AGAP1: variants seen among roughly 807,000 people sequenced by gnomAD.
The protein encoded by AGAP1 is ArfGAP with GTPase domain, ankyrin repeat and PH domain 1, also known as arf-GAP with GTPase, ANK repeat and PH domain-containing protein 1.
AGAP1 carries 29 observed loss-of-function variants against 105.3 expected under a neutral mutation model. The observed-to-expected ratio is 0.28, with a 90% CI of 0.21 to 0.38. AGAP1 has a LOEUF of 0.38. Ranked by LOEUF, AGAP1 falls within the 10% of genes least tolerant of loss-of-function variation. The pLI is 1.00. For missense variants in AGAP1, 998 were observed against 1,165.1 expected (o/e 0.86, Z 2.09); for synonymous variants, 509 against 485.9 (o/e 1.05, Z -0.63).
At position 235,988,288 on chromosome 2, in the gene AGAP1, C is replaced by A. The variant is rs1249510585; in HGVS notation, c.1645+19665C>A. On this transcript the variant is annotated intron_variant, in intron 13 of 17. Transcript: ENST00000304032. The surrounding 1 kb of genome is among the most constrained non-coding windows in gnomAD (Gnocchi z 4.7). ...GAACTCCTGACTTCAGGTGATCCAC[C>A]TGCCTCGGCCTCCCAAAGTGGTAGG... 2.0e-5 allele frequency among the ~76,000 whole-genome samples: 3 copies of A among 152,194 alleles called. No homozygotes were observed.
intron 4 of AGAP1, among the ~76,000 whole-genome samples, chr2:235,742,123 C>T (rs1351159910): frequency 6.6e-6 from 1 of 152,194 alleles, no homozygotes; most frequent in African/African-American, 2.4e-5. Flanking sequence ...GAATGTCAGA[C>T]ATTTTCTTGG....
At chr2:236,072,650 A>C (rs185342507) in intron 16 of AGAP1, 1 of 152,214 alleles carries the variant, frequency 6.6e-6, no homozygotes, top group Non-Finnish European at 1.5e-5. Flanking sequence ...GAGTATAGAC[A>C]GGATCTCACT....
chr2:235,912,424 T>G (rs939276739), intron 11 of AGAP1, among the ~76,000 whole-genome samples: 1 of 152,250 alleles, frequency 6.6e-6, no homozygotes, highest in Non-Finnish European at 1.5e-5. Context: ...AATTGAATAC[T>G]TAACCTTATT....
In AGAP1 at chr2:236,046,833, G is replaced by T. The variant is rs2057731102; in HGVS notation, c.1892-2226G>T. Among the ~76,000 whole-genome samples, 1 of 152,166 alleles carries T rather than the reference G, an allele frequency of 6.6e-6. No homozygotes were observed. The highest frequency in any genetic ancestry group is 2.1e-4 in the South Asian group (1 of 4,824). On this transcript the variant is annotated intron_variant, in intron 15 of 17. Transcript: ENST00000304032. This position sits in a 1 kb window ranked among gnomAD's most constrained non-coding sequence, Gnocchi z 5.2. ...TCCAGAGAGGTCGTTGACCAAAAAG[G>T]TATCAGAAGTTAGCACTGGCCCAGC...
intron 1 of AGAP1, among the ~76,000 whole-genome samples, chr2:235,547,356 CTTT>C (rs565421160): frequency 7.4e-6 from 1 of 135,450 alleles, no homozygotes; most frequent in African/African-American, 2.8e-5. Context: ...CTTACATTGA[CTTT>C]TTTTTTTTTT....
In AGAP1 at chr2:236,042,576, C is replaced by A. The variant is rs2057582598; in HGVS notation, c.1891+1735C>A. 6.6e-6 allele frequency among the ~76,000 whole-genome samples: 1 copy of A among 152,158 alleles called. No individual in the cohort carries two copies. Among genetic ancestry groups the A allele is most frequent in the African/African-American group, 2.4e-5 (1 of 41,448 alleles). Reference sequence around the variant, plus strand: ...TTAGAACATCCATTAAGGAAAATGCCTGCAGTTGTTTCCACCGTGCGTCTG... The same window carrying A: ...TTAGAACATCCATTAAGGAAAATGCATGCAGTTGTTTCCACCGTGCGTCTG... On this transcript the variant is annotated intron_variant, in intron 15 of 17. Transcript: ENST00000304032. This position sits in a 1 kb window ranked among gnomAD's most constrained non-coding sequence, Gnocchi z 5.6.
At chr2:235,770,056 A>G (rs1728290) in intron 6 of AGAP1, among the ~76,000 whole-genome samples, 37,477 of 150,466 alleles carry the variant, frequency 0.25, 5,163 homozygotes, top group Admixed American at 0.39. Flanking sequence ...GTAAGACAGC[A>G]AGTAAAAATC....
intron 13 of AGAP1, among the ~76,000 whole-genome samples, chr2:236,033,480 A>G (rs2057287892): frequency 6.6e-6 from 1 of 152,264 alleles, no homozygotes; most frequent in African/African-American, 2.4e-5. Flanking sequence ...AGATACTGAG[A>G]GTATTACAGT....
intron 13 of AGAP1, among the ~76,000 whole-genome samples, chr2:235,995,368 G>A (rs1409827759): frequency 6.6e-6 from 1 of 151,778 alleles, no homozygotes; most frequent in East Asian, 1.9e-4. Flanking sequence ...ACAAAAATTA[G>A]CTAAGCTTGG....
chr2:235,768,006 C>T (rs531077684), intron 6 of AGAP1, among the ~76,000 whole-genome samples: 2 of 152,230 alleles, frequency 1.3e-5, no homozygotes, highest in East Asian at 1.9e-4. Flanking sequence ...AGGCTGGTTT[C>T]GAACTCCTGG....
rs989615199 is a variant in AGAP1, at chr2:235,614,649, A to G, written c.164-94530A>G. Among the ~76,000 whole-genome samples, 1 of 152,150 alleles carries G rather than the reference A, an allele frequency of 6.6e-6. No individual in the cohort carries two copies. The highest frequency in any genetic ancestry group is 2.1e-4 in the South Asian group (1 of 4,822). On this transcript the variant is annotated intron_variant, in intron 1 of 17. Coordinates refer to ENST00000304032, the MANE Select transcript of AGAP1 (RefSeq NM_001037131.3). The surrounding 1 kb of genome is among the most constrained non-coding windows in gnomAD (Gnocchi z 4.7). Reference sequence around the variant, plus strand: ...GGTTGGCTCTCTACCCCCGTTGCAGATTGGCTTGTGGTTTGGGGTGTGCCA... The same window carrying G: ...GGTTGGCTCTCTACCCCCGTTGCAGGTTGGCTTGTGGTTTGGGGTGTGCCA...
At position 235,877,749 on chromosome 2, in the gene AGAP1, T is replaced by G. The variant is rs192955299; in HGVS notation, c.1051-5596T>G. ...TCCAGAGAAAATGACAGGTTTCCCT[T>G]GCATCTCAAATTTGCTCAGACCGTC... On this transcript the variant is annotated intron_variant, in intron 9 of 17. Transcript: ENST00000304032. The surrounding 1 kb of genome is among the most constrained non-coding windows in gnomAD (Gnocchi z 4.3). 2.0e-5 allele frequency among the ~76,000 whole-genome samples: 3 copies of G among 152,348 alleles called. No individual in the cohort carries two copies. The highest frequency in any genetic ancestry group is 2.0e-4 in the Admixed American group (3 of 15,310).
rs915660756 is a variant in AGAP1 at position 235,874,859 on chromosome 2, A to G, written c.1051-8486A>G. Among the ~76,000 whole-genome samples the G allele has an allele frequency of 2.0e-5, 3 of 152,230 alleles. No homozygotes were observed. The highest frequency in any genetic ancestry group is 2.0e-4 in the Admixed American group (3 of 15,286). ...CTTGCACACGCTCATGGATCAAGGC[A>G]GAGGATGAGTTTAAAAACTGGTACT... On this transcript the variant is annotated intron_variant, in intron 9 of 17. Transcript: ENST00000304032. This position sits in a 1 kb window ranked among gnomAD's most constrained non-coding sequence, Gnocchi z 4.5.
At chr2:235,806,185 T>G (rs1238606560) in intron 8 of AGAP1, among the ~76,000 whole-genome samples, 1 of 152,206 alleles carries the variant, frequency 6.6e-6, no homozygotes, top group Non-Finnish European at 1.5e-5. Flanking sequence ...AGCTTTTCAT[T>G]GTAGCAGTGG....
At chr2:235,730,949 G>A (rs914284659) in intron 3 of AGAP1, among the ~76,000 whole-genome samples, 1 of 152,084 alleles carries the variant, frequency 6.6e-6, no homozygotes, top group Non-Finnish European at 1.5e-5. Context: ...TGCATGCTGA[G>A]CCTGCCTGCA....
rs1946270980 is a variant in AGAP1 at position 235,615,278 on chromosome 2, G to C, written c.164-93901G>C. 6.6e-6 allele frequency among the ~76,000 whole-genome samples: 1 copy of C among 152,182 alleles called. No homozygotes were observed. The highest frequency in any genetic ancestry group is 2.1e-4 in the South Asian group (1 of 4,832). On this transcript the variant is annotated intron_variant, in intron 1 of 17. Transcript: ENST00000304032. The surrounding 1 kb of genome is among the most constrained non-coding windows in gnomAD (Gnocchi z 5.0). ...TTGGGAGTCAGAACCAGACTTCAAA[G>C]GGCATGTGACTACAGCATCCATCCT...
At chr2:236,022,714 T>G (rs2056924064) in intron 13 of AGAP1, among the ~76,000 whole-genome samples, 1 of 152,184 alleles carries the variant, frequency 6.6e-6, no homozygotes, top group Non-Finnish European at 1.5e-5. Context: ...TTTGTATTTT[T>G]GGTAGAGATG....
Position 235,883,981 on chromosome 2 carries a change from G to A in AGAP1, c.1155+532G>A, listed in dbSNP as rs1214484631. Among the ~76,000 whole-genome samples the A allele has an allele frequency of 6.6e-6, 1 of 152,192 alleles. No homozygotes were observed. Among genetic ancestry groups the A allele is most frequent in the Admixed American group, 6.5e-5 (1 of 15,282 alleles). Reference sequence around the variant, plus strand: ...TACATATAAGTTTGTTATATCCGTGGTGTATAAGATAGATGTATAAACAAA... The same window carrying A: ...TACATATAAGTTTGTTATATCCGTGATGTATAAGATAGATGTATAAACAAA... On this transcript the variant is annotated intron_variant, in intron 10 of 17. Transcript: ENST00000304032. The surrounding 1 kb of genome is among the most constrained non-coding windows in gnomAD (Gnocchi z 4.5).
chr2:235,683,059 C>T (rs1949173234), intron 1 of AGAP1, among the ~76,000 whole-genome samples: 1 of 152,126 alleles, frequency 6.6e-6, no homozygotes, highest in East Asian at 1.9e-4. Context: ...GTAATCCCAG[C>T]ACTTTGGGAG....
Sources: allele counts gnomAD v4.1 joint callset (sites outside exome capture counted in the v4.1 genomes callset), GRCh38; gene constraint gnomAD v4.1.1; non-coding constraint Gnocchi (gnomAD v3.1); transcripts MANE v1.5; gene names NCBI Gene and HGNC (gene_info 2026-07-23, HGNC 2026-07-21).